The following LNX1 variants were observed in gnomAD, a reference collection of about 807,000 sequenced individuals.
LNX1 encodes E3 ubiquitin-protein ligase LNX.
Under a neutral mutation model 68.4 loss-of-function variants are expected in LNX1, and 54 were observed. That is an observed-to-expected ratio of 0.79 (90% CI 0.63 to 0.99). LNX1 has a LOEUF of 0.99. Among genes scored for constraint, LNX1 ranks in the 50% least tolerant of loss-of-function variants. The probability of loss-of-function intolerance (pLI) is 0.00; values close to 1 mark genes in which losing one functional copy is unlikely to be tolerated. For missense variants in LNX1, 906 were observed against 926.4 expected, an observed-to-expected ratio of 0.98 and a Z score of 0.29; for synonymous variants, 336 against 350.0, an observed-to-expected ratio of 0.96 and a Z score of 0.45.
At chr4:53,563,875 G>A (rs1730453914) in intron 2 of LNX1, among the ~76,000 whole-genome samples, 2 of 152,222 alleles carry the variant, frequency 1.3e-5, no homozygotes, top group Admixed American at 6.5e-5. Context: ...AAAATGTCAA[G>A]GGGGTGGGAG....
intron 1 of LNX1, among the ~76,000 whole-genome samples, chr4:53,649,759 C>T (rs191842206): frequency 2.0e-5 from 3 of 152,184 alleles, no homozygotes; most frequent in African/African-American, 7.2e-5. Context: ...CCTCCGATGG[C>T]AGGCTGTGTA....
intron 1 of LNX1, among the ~76,000 whole-genome samples, chr4:53,636,179 CTT>C (rs11440722): frequency 2.3e-5 from 2 of 85,226 alleles, no homozygotes; most frequent in African/African-American, 9.3e-5. Context: ...TCTATTACTC[CTT>C]TTTTTTTTTT....
intron 5 of LNX1, 64 bp downstream of exon 5, chr4:53,498,577 G>T: frequency 1.7e-6 from 2 of 1,195,168 alleles, no homozygotes; most frequent in Non-Finnish European, 2.5e-6. Flanking sequence ...CTATCCAATT[G>T]TTTGCTCAGA....
chr4:53,529,800 G>C (rs573762578), intron 2 of LNX1, among the ~76,000 whole-genome samples: 26 of 152,288 alleles, frequency 1.7e-4, no homozygotes, highest in African/African-American at 5.8e-4. Flanking sequence ...GACAGCATTT[G>C]CCTGGTTCCT....
At chr4:53,514,799 C>G (rs1212083158) in intron 2 of LNX1, among the ~76,000 whole-genome samples, 1 of 152,204 alleles carries the variant, frequency 6.6e-6, no homozygotes, top group Non-Finnish European at 1.5e-5. Context: ...CATACCATCT[C>G]TGTACTCAGA....
chr4:53,632,679 CT>C (rs971518005), intron 1 of LNX1, among the ~76,000 whole-genome samples: 3 of 152,152 alleles, frequency 2.0e-5, no homozygotes, highest in African/African-American at 7.2e-5. Flanking sequence ...AAAACACTGG[CT>C]TGAGGATTTT....
At position 53,597,249 on chromosome 4, in the gene LNX1, A is replaced by G. The variant is rs1400130280; in HGVS notation, c.-214-5734T>C. 3.3e-5 allele frequency among the ~76,000 whole-genome samples: 5 copies of G among 152,112 alleles called. No individual in the cohort carries two copies. In the South Asian group the frequency reaches 8.3e-4, roughly 25 times the overall value. ...TCCTGATCAGTCCCTCTTCCTGGCAATCCATCAATTGATATTCCTGATCTT... is the reference window on the plus strand; with the variant it reads ...TCCTGATCAGTCCCTCTTCCTGGCAGTCCATCAATTGATATTCCTGATCTT... On this transcript the variant is annotated intron_variant, in intron 2 of 3. Coordinates refer to the LNX1 transcript ENST00000504299.
In LNX1 at chr4:53,465,679, T is replaced by C. The variant is rs557169762; in HGVS notation, c.1893-4086A>G. ...TATTGCCAAAGAACTTTTTAAAAAT[T>C]CTGATACATGTTTAAATTGTACATA... On this transcript the variant is annotated intron_variant, in intron 9 of 10. Transcript: ENST00000263925. 2.8e-4 allele frequency among the ~76,000 whole-genome samples: 42 copies of C among 152,360 alleles called. No individual in the cohort carries two copies. The South Asian group carries it at 8.7e-3, about 32-fold the overall frequency.
At chr4:53,588,557 A>G (rs1441513349) in intron 1 of LNX1, among the ~76,000 whole-genome samples, 2 of 152,120 alleles carry the variant, frequency 1.3e-5, no homozygotes, top group Non-Finnish European at 2.9e-5. Context: ...AATAAGATTG[A>G]TATTTTCTAG....
intron 6 of LNX1, among the ~76,000 whole-genome samples, chr4:53,493,044 A>C (rs886556577): frequency 1.3e-5 from 2 of 152,110 alleles, no homozygotes; most frequent in African/African-American, 4.8e-5. Context: ...ATCTTGGCTC[A>C]CTGAAACCTC....
At chr4:53,523,476 G>A (rs1727386719) in intron 2 of LNX1, among the ~76,000 whole-genome samples, 1 of 152,134 alleles carries the variant, frequency 6.6e-6, no homozygotes, top group Non-Finnish European at 1.5e-5. Flanking sequence ...TAGTAGAGAT[G>A]AAGTTTTGCC....
intron 2 of LNX1, among the ~76,000 whole-genome samples, chr4:53,606,940 C>A (rs560229023): frequency 6.6e-6 from 1 of 152,032 alleles, no homozygotes; most frequent in African/African-American, 2.4e-5. Flanking sequence ...ACAAACTGGG[C>A]ATTGAAGGAA....
chr4:53,595,856 C>T (rs1732728840), upstream of LNX1, among the ~76,000 whole-genome samples: 1 of 152,124 alleles, frequency 6.6e-6, no homozygotes, highest in South Asian at 2.1e-4. Flanking sequence ...TTACTTTGCC[C>T]ATTTTGCTTC....
chr4:53,631,499 A>G (rs1734269445), intron 1 of LNX1, among the ~76,000 whole-genome samples: 1 of 152,076 alleles, frequency 6.6e-6, no homozygotes, highest in South Asian at 2.1e-4. Flanking sequence ...TCTTCCTAGG[A>G]CACTGATCCC....
chr4:53,597,235 C>T (rs1315509525), intron 2 of LNX1, among the ~76,000 whole-genome samples: 1 of 152,200 alleles, frequency 6.6e-6, no homozygotes. Context: ...CCTGATCAGT[C>T]CCTCTTCCTG....
At chr4:53,507,952 A>AG in intron 3 of LNX1, 34 bp downstream of exon 3, 1 of 1,598,120 alleles carries the variant, frequency 6.3e-7, no homozygotes, top group Non-Finnish European at 8.6e-7. Flanking sequence ...CAAGCCAAGG[A>AG]GCCCATTCCC....
intron 9 of LNX1, among the ~76,000 whole-genome samples, chr4:53,463,041 T>C (rs1052125440): frequency 1.3e-5 from 2 of 152,154 alleles, no homozygotes; most frequent in Non-Finnish European, 2.9e-5. Context: ...AAGAATTAGA[T>C]GATTGTTATC....
At chr4:53,518,792 T>TGG (rs3215225) in intron 2 of LNX1, among the ~76,000 whole-genome samples, 1 of 151,954 alleles carries the variant, frequency 6.6e-6, no homozygotes, top group Non-Finnish European at 1.5e-5. Context: ...GCTGATTATT[T>TGG]GGGGGGCAAC....
chr4:53,474,533 T>C (rs945110334), intron 9 of LNX1, among the ~76,000 whole-genome samples: 10 of 152,204 alleles, frequency 6.6e-5, no homozygotes, highest in African/African-American at 2.2e-4. Context: ...AAATTGATAA[T>C]GGTGATCACC....
Sources: gnomAD v4.1 joint callset for allele counts (sites outside exome capture counted in the v4.1 genomes callset) on GRCh38, gnomAD v4.1.1 for gene constraint, MANE v1.5 for transcripts, NCBI Gene and HGNC (gene_info 2026-07-23, HGNC 2026-07-21) for gene names.